Variants in DLG1 observed in about 807,000 individuals in gnomAD.
DLG1 encodes disks large homolog 1.
In DLG1, 42 loss-of-function variants were observed where a neutral mutation model predicts 123.4. That is an observed-to-expected ratio of 0.34 (90% CI 0.27 to 0.44). DLG1 has a LOEUF of 0.44. Among genes scored for constraint, DLG1 ranks in the 20% least tolerant of loss-of-function variants. The pLI, the probability that DLG1 is intolerant of heterozygous loss-of-function variation, is 1.00. For missense variants in DLG1, 942 were observed against 1,082.6 expected (o/e 0.87, Z 1.82); for synonymous variants, 317 against 356.2 (o/e 0.89, Z 1.24).
intron 11 of DLG1, among the ~76,000 whole-genome samples, chr3:197,126,069 T>A (rs975383215): frequency 1.3e-5 from 2 of 152,216 alleles, no homozygotes; most frequent in Non-Finnish European, 2.9e-5. Context: ...ACATCTACAG[T>A]TGCCTAAGAA....
chr3:197,072,081 T>TC, intron 18 of DLG1, among the ~76,000 whole-genome samples: 1 of 152,360 alleles, frequency 6.6e-6, no homozygotes, highest in Middle Eastern at 3.4e-3. Flanking sequence ...AGTAAGCATT[T>TC]CCCCATGTCA....
intron 11 of DLG1, among the ~76,000 whole-genome samples, chr3:197,127,291 C>T (rs1425470806): frequency 4.7e-5 from 7 of 150,006 alleles, no homozygotes; most frequent in African/African-American, 1.7e-4. Flanking sequence ...GTCATGGTGT[C>T]GCAAGCCTGT....
At chr3:197,145,061 A>T (rs1231950311) in intron 6 of DLG1, among the ~76,000 whole-genome samples, 3 of 147,288 alleles carry the variant, frequency 2.0e-5, no homozygotes, top group East Asian at 1.9e-4. Context: ...TCTCTCACAC[A>T]CACACACACA....
chr3:197,140,010 T>C lies in DLG1; in HGVS notation c.713+130A>G, dbSNP rs1430959347. The stretch of plus-strand genomic sequence containing the variant: ...ATTATCTCATTCATTGACTTGAATG[T>C]TGTTAAAGCATCTACCCTATGCTAG... On this transcript the variant is annotated intron_variant, in intron 8 of 24. Coordinates refer to ENST00000667157, the MANE Select transcript of DLG1 (RefSeq NM_001366207.1). 6 of 948,672 alleles carry C rather than the reference T, an allele frequency of 6.3e-6. No individual in the cohort carries two copies. The Admixed American group carries it at 1.1e-4, about 17-fold the overall frequency. 58.8% of individuals were successfully genotyped at this position (948,672 alleles called of 1,614,324 possible).
At chr3:197,116,561 G>A (rs1773415911) in intron 12 of DLG1, among the ~76,000 whole-genome samples, 2 of 152,122 alleles carry the variant, frequency 1.3e-5, no homozygotes, top group African/African-American at 2.4e-5. Flanking sequence ...CCTTTGCTGA[G>A]GTGAGAGTAT....
chr3:197,076,805 T>G, intron 17 of DLG1, 120 bp from the exon 18 acceptor site: 1 of 507,210 alleles, frequency 2.0e-6, no homozygotes, highest in Non-Finnish European at 3.5e-6. Flanking sequence ...TTGTATATGA[T>G]TTTTACTTTA....
At chr3:197,065,669 TAA>T (rs754112998) in intron 21 of DLG1, 37 bp downstream of exon 21, 1 of 1,403,162 alleles carries the variant, frequency 7.1e-7, no homozygotes, top group Non-Finnish European at 1.0e-6. Flanking sequence ...CAGGAAATGT[TAA>T]GAGTAACAAT....
intron 18 of DLG1, chr3:197,075,827 G>T: frequency 6.2e-7 from 1 of 1,610,806 alleles, no homozygotes; most frequent in South Asian, 1.1e-5. Context: ...GGAGTATTTT[G>T]ATCACTTACT....
At chr3:197,292,287 A>C (rs1775317725) in intron 3 of DLG1, among the ~76,000 whole-genome samples, 1 of 152,236 alleles carries the variant, frequency 6.6e-6, no homozygotes, top group Non-Finnish European at 1.5e-5. Context: ...TCAGCCTGAA[A>C]AAGGAAGAAA....
intron 23 of DLG1, among the ~76,000 whole-genome samples, chr3:197,053,799 C>T (rs1729668865): frequency 1.5e-5 from 2 of 135,384 alleles, no homozygotes; most frequent in Non-Finnish European, 3.1e-5. Context: ...AAAAAATCTG[C>T]TGATTGCTGG....
At chr3:197,194,378 A>G (rs926086656) in intron 5 of DLG1, 47 bp downstream of exon 5, 14 of 1,328,890 alleles carry the variant, frequency 1.1e-5, no homozygotes, top group Non-Finnish European at 1.3e-5. Flanking sequence ...TATGTATAAC[A>G]AAAGTAATAT....
chr3:197,114,846 G>A (rs539283532), intron 13 of DLG1, among the ~76,000 whole-genome samples: 1 of 152,184 alleles, frequency 6.6e-6, no homozygotes, highest in East Asian at 1.9e-4. Flanking sequence ...CAGGCGTGGT[G>A]GCGGGTGCCT....
At position 197,067,551 on chromosome 3, in the gene DLG1, G is replaced by GTTTTTTTT. The variant is rs199907948; in HGVS notation, c.2048-805_2048-798dup. Among the ~76,000 whole-genome samples the GTTTTTTTT allele has an allele frequency of 3.0e-4, 32 of 107,390 alleles. 1 individual carries two copies. Among genetic ancestry groups the GTTTTTTTT allele is most frequent in the African/African-American group, 8.7e-4 (22 of 25,268 alleles). 70.5% of individuals were successfully genotyped at this position (107,390 alleles called of 152,430 possible). A position where few individuals can be genotyped will look rare whatever the true frequency, so the allele number is the denominator to read the frequency against. Reference sequence around the variant, plus strand: ...AAATAAATAGTTAAAAACTCTGAGAGTTTTTTTTTTTTTTTTTTTTTTTGA... The same window carrying GTTTTTTTT: ...AAATAAATAGTTAAAAACTCTGAGAGTTTTTTTTTTTTTTTTTTTTTTTTTTTTTTTGA... On this transcript the variant is annotated intron_variant, in intron 19 of 24. Transcript: ENST00000667157.
At chr3:197,280,047 C>T (rs1398911990) in intron 4 of DLG1, among the ~76,000 whole-genome samples, 7 of 152,198 alleles carry the variant, frequency 4.6e-5, no homozygotes, top group South Asian at 4.1e-4. Flanking sequence ...TTGTTGTTAA[C>T]GGTAGTCACC....
chr3:197,149,658 AC>A (rs1462658667), intron 6 of DLG1, 84 bp downstream of exon 6: 1 of 858,616 alleles, frequency 1.2e-6, no homozygotes, highest in Non-Finnish European at 2.0e-6. Flanking sequence ...ATTAGAGAAA[AC>A]AATGCCATGG....
chr3:197,154,925 A>G (rs1795688540), intron 5 of DLG1, among the ~76,000 whole-genome samples: 1 of 152,102 alleles, frequency 6.6e-6, no homozygotes. Flanking sequence ...AGTGAACAGA[A>G]CCTAAGGGAC....
intron 1 of DLG1, chr3:197,297,773 G>A (rs1319832121): frequency 3.0e-6 from 3 of 985,670 alleles, no homozygotes; most frequent in Non-Finnish European, 3.6e-6. Flanking sequence ...ACACCTCCGC[G>A]GGCCCCCACA....
chr3:197,228,520 TG>T (rs151242781), intron 4 of DLG1, among the ~76,000 whole-genome samples: 182 of 152,362 alleles, frequency 1.2e-3, no homozygotes, highest in African/African-American at 4.2e-3. Flanking sequence ...GTTTCTTGTC[TG>T]TTTTTTTAGT....
At chr3:197,234,708 G>A (rs1408021600) in intron 4 of DLG1, among the ~76,000 whole-genome samples, 1 of 151,988 alleles carries the variant, frequency 6.6e-6, no homozygotes, top group Non-Finnish European at 1.5e-5. Context: ...GTATAAAAGG[G>A]GTTATATATA....
Sources: allele counts gnomAD v4.1 joint callset (sites outside exome capture counted in the v4.1 genomes callset), GRCh38; gene constraint gnomAD v4.1.1; transcripts MANE v1.5; gene names NCBI Gene and HGNC (gene_info 2026-07-23, HGNC 2026-07-21).